The following DISP1 variants were observed in gnomAD, a reference collection of about 807,000 sequenced individuals.
DISP1 encodes dispatched RND transporter family member 1.
Under a neutral mutation model 37.3 loss-of-function variants are expected in DISP1, and 30 were observed. The ratio of observed to expected loss-of-function variants is 0.80; its 90% CI spans 0.60 to 1.09. The LOEUF (loss-of-function observed/expected upper bound fraction) is 1.09. Among genes scored for constraint, DISP1 ranks in the 50% least tolerant of loss-of-function variants. DISP1 has a pLI of 0.00. For synonymous variants in DISP1, 634 were observed against 690.2 expected (o/e 0.92, Z 1.28); for missense variants, 1,598 against 1,879.5 (o/e 0.85, Z 2.77).
intron 4 of DISP1, among the ~76,000 whole-genome samples, chr1:222,987,106 C>T (rs1558071454): frequency 6.6e-6 from 1 of 151,584 alleles, no homozygotes; most frequent in East Asian, 1.9e-4. Flanking sequence ...GATTTATAGA[C>T]TATTTTTAAT....
chr1:223,001,072 G>A (rs1037100451), intron 8 of DISP1, among the ~76,000 whole-genome samples: 2 of 152,084 alleles, frequency 1.3e-5, no homozygotes, highest in African/African-American at 4.8e-5. Context: ...GAGAAGAGGG[G>A]CTACTCATCT....
At chr1:222,910,101 C>T (rs1302058588) in intron 1 of DISP1, among the ~76,000 whole-genome samples, 4 of 152,154 alleles carry the variant, frequency 2.6e-5, no homozygotes, top group Admixed American at 2.0e-4. Flanking sequence ...CGGTGGCTCA[C>T]ACCTGTAATT....
chr1:222,847,782 C>T (rs936639736), intron 1 of DISP1, among the ~76,000 whole-genome samples: 1 of 152,002 alleles, frequency 6.6e-6, no homozygotes, highest in Admixed American at 6.6e-5. Flanking sequence ...GAAGAAAGTT[C>T]CTCCCAGTGA....
In DISP1 at chr1:223,003,187, T is replaced by C; in HGVS notation, c.1790T>C (p.Val597Ala). Residue 597 changes from valine to alanine, a missense_variant, in exon 9 of 9, where the codon GTA becomes GCA. Transcript: ENST00000675850. This position sits in a 1 kb window ranked among gnomAD's most constrained non-coding sequence, Gnocchi z 4.3. The stretch of plus-strand genomic sequence containing the variant: ...CCTCATGCCGAAACCTCAGAAACAG[T>C]AAGCATCACCTTGCAGCACGCTGCC... The part of the protein sequence containing the change: ...DKPHAETSET[V>A]SITLQHAALS... 1.9e-6 allele frequency: 3 copies of C among 1,614,242 alleles called. No homozygotes were observed. The highest frequency in any genetic ancestry group is 2.5e-6 in the Non-Finnish European group (3 of 1,180,036).
intron 1 of DISP1, among the ~76,000 whole-genome samples, chr1:222,903,300 G>A (rs2125408075): frequency 8.2e-6 from 1 of 122,390 alleles, no homozygotes; most frequent in Admixed American, 8.6e-5. Context: ...GACTGTTGTG[G>A]GGTGGGGGGA....
chr1:222,921,031 C>T (rs1432301575), intron 1 of DISP1, among the ~76,000 whole-genome samples: 6 of 152,126 alleles, frequency 3.9e-5, no homozygotes, highest in East Asian at 1.9e-4. Context: ...TTAATTGGGC[C>T]GGGCACAGTG....
At chr1:222,918,506 G>A (rs529244891) in intron 1 of DISP1, among the ~76,000 whole-genome samples, 1 of 152,256 alleles carries the variant, frequency 6.6e-6, no homozygotes, top group South Asian at 2.1e-4. Context: ...CTTATTCCCT[G>A]TAAATTGCAC....
intron 1 of DISP1, among the ~76,000 whole-genome samples, chr1:222,903,120 G>T (rs369880390): frequency 6.7e-6 from 1 of 150,114 alleles, no homozygotes; most frequent in African/African-American, 2.4e-5. Flanking sequence ...ACTATGCAGC[G>T]ATAAAAAATG....
chr1:222,838,715 GA>G (rs1667404050), intron 1 of DISP1, among the ~76,000 whole-genome samples: 1 of 152,236 alleles, frequency 6.6e-6, no homozygotes, highest in Non-Finnish European at 1.5e-5. Context: ...AGGTTACAGT[GA>G]GCTATGATTG....
intron 1 of DISP1, among the ~76,000 whole-genome samples, chr1:222,869,361 G>A (rs1669387759): frequency 6.6e-6 from 1 of 152,124 alleles, no homozygotes; most frequent in Non-Finnish European, 1.5e-5. Context: ...TTAAAAAACT[G>A]TGAGAAAAAT....
At chr1:222,862,235 G>A (rs1046527991) in intron 1 of DISP1, among the ~76,000 whole-genome samples, 25 of 152,218 alleles carry the variant, frequency 1.6e-4, no homozygotes, top group African/African-American at 5.3e-4. Flanking sequence ...TACAAGATTA[G>A]TACAAGGAAA....
intron 3 of DISP1, among the ~76,000 whole-genome samples, chr1:222,981,927 T>C (rs890527501): frequency 5.9e-5 from 9 of 152,200 alleles, no homozygotes; most frequent in African/African-American, 2.2e-4. Context: ...CCCTTTACAG[T>C]TTCAAAAATT....
chr1:222,920,368 A>C (rs1672746454), intron 1 of DISP1, among the ~76,000 whole-genome samples: 3 of 152,244 alleles, frequency 2.0e-5, no homozygotes, highest in African/African-American at 7.2e-5. Flanking sequence ...GAAACTCTCC[A>C]GAGCCCATGG....
In DISP1 at chr1:223,004,887, G is replaced by T. The variant is rs772854919; in HGVS notation, c.3490G>T (p.Asp1164Tyr). Residue 1164 changes from aspartate (D) to tyrosine (Y), a missense_variant, in exon 9 of 9, where the codon GAC becomes TAC. Asp to Tyr is a radical substitution (Grantham distance 160). Transcript: ENST00000675850. The surrounding 1 kb of genome is among the most constrained non-coding windows in gnomAD (Gnocchi z 4.9). ...CCATGCCTTGTCTACAAGTCCCAGT[G>T]ACAAGGGACAAAGCAAAACACATAC... ...FSHALSTSPSDKGQSKTHTIN... is the reference protein window; with the variant it reads ...FSHALSTSPSYKGQSKTHTIN... 3 of 1,609,110 alleles carry T rather than the reference G, an allele frequency of 1.9e-6. No homozygotes were observed. The African/African-American group carries it at 4.0e-5, about 21-fold the overall frequency.
intron 1 of DISP1, among the ~76,000 whole-genome samples, chr1:222,916,703 T>C (rs2125432891): frequency 6.6e-6 from 1 of 152,310 alleles, no homozygotes; most frequent in Non-Finnish European, 1.5e-5. Context: ...TTTTCAAGAG[T>C]TTTTTAAGAG....
At chr1:222,959,239 A>C (rs1481512266) in intron 3 of DISP1, among the ~76,000 whole-genome samples, 1 of 152,226 alleles carries the variant, frequency 6.6e-6, no homozygotes, top group African/African-American at 2.4e-5. Context: ...ATAAAATTGC[A>C]ATTAAAATCT....
At chr1:222,851,704 T>G (rs1332684915) in intron 1 of DISP1, among the ~76,000 whole-genome samples, 1 of 152,116 alleles carries the variant, frequency 6.6e-6, no homozygotes, top group Non-Finnish European at 1.5e-5. Flanking sequence ...GTGCATTCCC[T>G]AAAAGTTCTT....
intron 1 of DISP1, among the ~76,000 whole-genome samples, chr1:222,838,004 C>T (rs34151467): frequency 0.11 from 16,494 of 152,172 alleles, 1,259 homozygotes; most frequent in South Asian, 0.16. Context: ...TACTTATTAT[C>T]CTCTCGATAG....
At chr1:222,983,824 T>G (rs1260524605) in intron 4 of DISP1, among the ~76,000 whole-genome samples, 5 of 152,188 alleles carry the variant, frequency 3.3e-5, no homozygotes, top group African/African-American at 4.8e-5. Flanking sequence ...TGGAAATGTC[T>G]AAGGCTTATC....
Sources: allele counts gnomAD v4.1 joint callset (sites outside exome capture counted in the v4.1 genomes callset), GRCh38; gene constraint gnomAD v4.1.1; non-coding constraint Gnocchi (gnomAD v3.1); transcripts MANE v1.5; gene names NCBI Gene and HGNC (gene_info 2026-07-23, HGNC 2026-07-21).